The following USP18 variants were observed in gnomAD, a reference collection of about 807,000 sequenced individuals.
The protein encoded by USP18 is ubl carboxyl-terminal hydrolase 18.
In USP18, 11 loss-of-function variants were observed where a neutral mutation model predicts 48.7. The observed-to-expected ratio is 0.23, with a 90% confidence interval of 0.14 to 0.37. The LOEUF (loss-of-function observed/expected upper bound fraction) is 0.37. Ranked by LOEUF, USP18 falls within the 10% of genes least tolerant of loss-of-function variation. The pLI is 1.00. For synonymous variants in USP18, 114 were observed against 163.2 expected (o/e 0.70, Z 2.30); for missense variants, 285 against 436.4 (o/e 0.65, Z 3.09).
At chr22:18,156,949 T>G (rs1193770219) in intron 1 of USP18, among the ~76,000 whole-genome samples, 4 of 140,910 alleles carry the variant, frequency 2.8e-5, no homozygotes, top group African/African-American at 8.2e-5. Flanking sequence ...ACAGCTGTGC[T>G]GGGTTGGGGG....
Position 18,157,570 on chromosome 22 carries a change from G to T in USP18, c.-94G>T, listed in dbSNP as rs749780865. 15 of 1,519,356 alleles carry T rather than the reference G, an allele frequency of 9.9e-6. No homozygotes were observed. Among genetic ancestry groups the T allele is most frequent in the Non-Finnish European group, 1.3e-5 (14 of 1,112,772 alleles). The allele number at this position is 1,519,356 out of a possible 1,614,324, so 94.1% of individuals were successfully genotyped here. Reference sequence around the variant, plus strand: ...TGTATTTTCACAGAGATTCCATCGTGCCTGGCTCACATAAGCGCTTCCTGG... The same window carrying T: ...TGTATTTTCACAGAGATTCCATCGTTCCTGGCTCACATAAGCGCTTCCTGG... On this transcript the variant is annotated 5_prime_UTR_variant, in exon 2 of 11. Coordinates refer to ENST00000215794, the MANE Select transcript of USP18 (RefSeq NM_017414.4).
At chr22:18,169,656 G>A (rs1041897150) in intron 6 of USP18, among the ~76,000 whole-genome samples, 188 bp from the exon 7 acceptor site, 5 of 152,146 alleles carry the variant, frequency 3.3e-5, no homozygotes, top group African/African-American at 4.8e-5. Flanking sequence ...AGCTTCCTGC[G>A]GCCTCCCTAG....
rs186191992 is a variant in USP18, at chr22:18,172,434, T to C, written c.892-716T>C. On this transcript the variant is annotated intron_variant, in intron 8 of 10. Coordinates refer to ENST00000215794, the MANE Select transcript of USP18 (RefSeq NM_017414.4). ...GACTTCCTGACTGTTGTGTAATCTATGTGGTTTGTTTGACTCTAGATCCAA... is the reference window on the plus strand; with the variant it reads ...GACTTCCTGACTGTTGTGTAATCTACGTGGTTTGTTTGACTCTAGATCCAA... 2.6e-5 allele frequency among the ~76,000 whole-genome samples: 4 copies of C among 152,342 alleles called. No individual in the cohort carries two copies. In the East Asian group the frequency reaches 7.7e-4, roughly 29 times the overall value.
chr22:18,160,845 C>G (rs12167867), intron 3 of USP18, among the ~76,000 whole-genome samples: 3,737 of 149,046 alleles, frequency 0.025, 179 homozygotes, highest in African/African-American at 0.086. Context: ...TCTCGGCTCA[C>G]TGGAACCTCC....
chr22:18,167,062 G>A (rs1008812018), intron 4 of USP18, among the ~76,000 whole-genome samples, 193 bp from the exon 5 acceptor site: 3 of 152,160 alleles, frequency 2.0e-5, no homozygotes, highest in African/African-American at 4.8e-5. Flanking sequence ...TTTAAGAGGC[G>A]TTCTCAAAAA....
chr22:18,159,425 C>T (rs1028558933), intron 2 of USP18, among the ~76,000 whole-genome samples: 1 of 151,550 alleles, frequency 6.6e-6, no homozygotes, highest in Non-Finnish European at 1.5e-5. Context: ...GCTGAATGAA[C>T]ACTTCGTACT....
intron 1 of USP18, among the ~76,000 whole-genome samples, chr22:18,157,142 C>T (rs2543950): frequency 0.25 from 38,498 of 152,192 alleles, 6,079 homozygotes; most frequent in East Asian, 0.63. Flanking sequence ...CGGGCCAGAA[C>T]ACGAGGCTGT....
chr22:18,168,080 T>C, intron 6 of USP18, 44 bp downstream of exon 6: 3 of 1,606,240 alleles, frequency 1.9e-6, no homozygotes, highest in Non-Finnish European at 2.6e-6. Context: ...TATGTGTTAG[T>C]CCATTTTCTG....
chr22:18,174,144 A>C, intron 10 of USP18, among the ~76,000 whole-genome samples: 1 of 149,426 alleles, frequency 6.7e-6, no homozygotes, highest in African/African-American at 2.5e-5. Context: ...ATGTTTTCAT[A>C]CTCATGGCCT....
chr22:18,156,431 A>T (rs1198412932), intron 1 of USP18, among the ~76,000 whole-genome samples: 1 of 152,040 alleles, frequency 6.6e-6, no homozygotes, highest in Non-Finnish European at 1.5e-5. Context: ...GCTACTGCTC[A>T]CTCTTTGGGT....
At chr22:18,169,362 G>A (rs1396741123) in intron 6 of USP18, among the ~76,000 whole-genome samples, 1 of 152,166 alleles carries the variant, frequency 6.6e-6, no homozygotes, top group Non-Finnish European at 1.5e-5. Context: ...ATCACCTGAG[G>A]TCAGGAGTTT....
Position 18,173,359 on chromosome 22 carries a change from G to C in USP18, c.1023+78G>C. The C allele has an allele frequency of 1.9e-6, 3 of 1,580,900 alleles. No homozygotes were observed. In the South Asian group the frequency reaches 3.6e-5, roughly 19 times the overall value. On this transcript the variant is annotated intron_variant, in intron 9 of 10. Coordinates refer to ENST00000215794, the MANE Select transcript of USP18 (RefSeq NM_017414.4). ...AAATGCTGGGCTCAGGGCTGCGTGG[G>C]TCTCTGAGATCAAGACACACTGTGA...
intron 9 of USP18, 112 bp from the exon 10 acceptor site, chr22:18,173,681 G>T (rs1929701868): frequency 2.0e-6 from 3 of 1,480,850 alleles, no homozygotes; most frequent in Non-Finnish European, 2.8e-6. Flanking sequence ...AGGCTCTTGG[G>T]AGTTGCTAGG....
chr22:18,150,297 A>G (rs552196294), intron 1 of USP18, 75 bp downstream of exon 1: 2 of 152,250 alleles, frequency 1.3e-5, no homozygotes, highest in Non-Finnish European at 2.9e-5. Context: ...CAGTCAGATA[A>G]TTAAGGAATT....
chr22:18,166,070 A>G (rs1270343156), intron 4 of USP18, among the ~76,000 whole-genome samples: 1 of 151,914 alleles, frequency 6.6e-6, no homozygotes, highest in Admixed American at 6.6e-5. Context: ...GAGTTAGTTG[A>G]GCTCTACACG....
chr22:18,163,652 G>C (rs929174865), intron 4 of USP18, among the ~76,000 whole-genome samples: 1 of 131,262 alleles, frequency 7.6e-6, no homozygotes, highest in Non-Finnish European at 1.7e-5. Context: ...CAGAAAAAAA[G>C]AAAAAAAAAA....
intron 1 of USP18, among the ~76,000 whole-genome samples, chr22:18,151,091 T>G (rs147739195): frequency 2.9e-5 from 4 of 138,190 alleles, no homozygotes; most frequent in South Asian, 4.3e-4. Flanking sequence ...TACAAATATA[T>G]CGGTGGAAAA....
intron 1 of USP18, among the ~76,000 whole-genome samples, chr22:18,151,986 G>A (rs1340610732): frequency 6.6e-6 from 1 of 152,088 alleles, no homozygotes; most frequent in East Asian, 1.9e-4. Flanking sequence ...CCTGGGAGGC[G>A]GAGCTTGCAG....
chr22:18,161,717 C>T lies in USP18; in HGVS notation c.255-73C>T. 10 of 1,350,304 alleles carry T rather than the reference C, an allele frequency of 7.4e-6. No homozygotes were observed. The South Asian group carries it at 8.2e-5, about 11-fold the overall frequency. The allele number at this position is 1,350,304 out of a possible 1,614,324, so 83.6% of individuals were successfully genotyped here. On this transcript the variant is annotated intron_variant, in intron 3 of 10. Coordinates refer to ENST00000215794, the MANE Select transcript of USP18 (RefSeq NM_017414.4). ...TGGATATGAAGATTTAAAATTTCTC[C>T]CAGGTGATTCCAGTGTGCACCTAGC...
Sources: allele counts gnomAD v4.1 joint callset (sites outside exome capture counted in the v4.1 genomes callset), GRCh38; gene constraint gnomAD v4.1.1; transcripts MANE v1.5; gene names NCBI Gene and HGNC (gene_info 2026-07-23, HGNC 2026-07-21).